Variants in TXNRD1 observed in about 807,000 individuals in gnomAD.
TXNRD1 encodes the protein thioredoxin reductase 1, cytoplasmic.
TXNRD1 carries 57 observed loss-of-function variants against 80.3 expected under a neutral mutation model. That is an observed-to-expected ratio of 0.71 (90% CI 0.57 to 0.89). The LOEUF (loss-of-function observed/expected upper bound fraction) is 0.89. TXNRD1 is among the 40% of genes least tolerant of loss of function. The pLI is 0.00. For synonymous variants in TXNRD1, 291 were observed against 285.2 expected (o/e 1.02, Z -0.20); for missense variants, 730 against 803.0 (o/e 0.91, Z 1.10).
At chr12:104,286,938 A>C in intron 3 of TXNRD1, 1 of 1,195,782 alleles carries the variant, frequency 8.4e-7, no homozygotes, top group Non-Finnish European at 1.0e-6. Context: ...CTGCTTTGTC[A>C]TTCTGACTCT....
At chr12:104,335,288 G>A (rs369720727) in intron 15 of TXNRD1, among the ~76,000 whole-genome samples, 60 of 145,914 alleles carry the variant, frequency 4.1e-4, no homozygotes, top group East Asian at 2.8e-3. Context: ...TGCAACCTTC[G>A]CCTCCCAGGT....
chr12:104,273,688 C>T (rs930578994), intron 3 of TXNRD1, among the ~76,000 whole-genome samples: 12 of 152,228 alleles, frequency 7.9e-5, no homozygotes, highest in South Asian at 2.1e-4. Context: ...AGTACCGCCC[C>T]GACCTGCGCG....
At chr12:104,264,359 T>C (rs542624428) in intron 3 of TXNRD1, among the ~76,000 whole-genome samples, 1 of 152,290 alleles carries the variant, frequency 6.6e-6, no homozygotes, top group Non-Finnish European at 1.5e-5. Flanking sequence ...AGAGCAAAAC[T>C]GGCAAGGCCT....
intron 1 of TXNRD1, among the ~76,000 whole-genome samples, chr12:104,218,644 G>A (rs942962575): frequency 6.6e-6 from 1 of 150,672 alleles, no homozygotes; most frequent in Non-Finnish European, 1.5e-5. Flanking sequence ...TTGAAATAGG[G>A]TCTTGCTCTG....
rs2033149079 is a variant in TXNRD1 at position 104,252,683 on chromosome 12, TATATA to T, written c.243+1006_243+1010del. On this transcript the variant is annotated intron_variant, in intron 2 of 16. Transcript: ENST00000525566. Reference sequence around the variant, plus strand: ...TTTTTTATATATATATATATATATATATATATATTTTTTTTTTTTTTTTTTTTTTT... The same window carrying T: ...TTTTTTATATATATATATATATATATTATTTTTTTTTTTTTTTTTTTTTTT... Among the ~76,000 whole-genome samples, 45 of 112,334 alleles carry T rather than the reference TATATA, an allele frequency of 4.0e-4. 1 individual carries two copies. The highest frequency in any genetic ancestry group is 7.1e-4 in the Non-Finnish European group (41 of 57,570). 73.7% of individuals were successfully genotyped at this position (112,334 alleles called of 152,430 possible).
intron 2 of TXNRD1, among the ~76,000 whole-genome samples, chr12:104,257,771 T>C (rs770773507): frequency 4.6e-5 from 7 of 152,156 alleles, no homozygotes; most frequent in Non-Finnish European, 1.0e-4. Context: ...ACTAAACATA[T>C]AAAATGTATC....
chr12:104,310,026 C>A, intron 4 of TXNRD1: 1 of 1,536,254 alleles, frequency 6.5e-7, no homozygotes, highest in Non-Finnish European at 8.7e-7. Flanking sequence ...CCTTCTTCTT[C>A]CGCTGACCCC....
chr12:104,254,644 A>AAAAAAAAT, intron 2 of TXNRD1, among the ~76,000 whole-genome samples: 2 of 93,636 alleles, frequency 2.1e-5, no homozygotes, highest in South Asian at 3.6e-4. Flanking sequence ...AAAAAAAAAA[A>AAAAAAAAT]ATATATATAT....
chr12:104,312,305 A>C (rs751095537), intron 5 of TXNRD1, among the ~76,000 whole-genome samples: 9 of 152,202 alleles, frequency 5.9e-5, no homozygotes, highest in Non-Finnish European at 1.0e-4. Context: ...GTTAGGAGTG[A>C]GGCTCCTGGT....
chr12:104,267,175 A>AC (rs1316506941), intron 3 of TXNRD1, among the ~76,000 whole-genome samples: 1 of 93,154 alleles, frequency 1.1e-5, no homozygotes, highest in African/African-American at 4.1e-5. Context: ...CAAAAAAAAA[A>AC]AAAAATAATA....
At chr12:104,343,059 C>G (rs974887349) in intron 16 of TXNRD1, among the ~76,000 whole-genome samples, 4 of 152,200 alleles carry the variant, frequency 2.6e-5, no homozygotes, top group African/African-American at 4.8e-5. Flanking sequence ...ATAGCAAGAG[C>G]AGACTCGAGG....
At chr12:104,267,951 A>G (rs28626346) in intron 3 of TXNRD1, among the ~76,000 whole-genome samples, 101,508 of 149,966 alleles carry the variant, frequency 0.68, 34,494 homozygotes, top group East Asian at 0.85. Flanking sequence ...CCGGGTTCAA[A>G]CAATTCTCCT....
At chr12:104,308,898 CTTTTTTT>C (rs11484262) in intron 4 of TXNRD1, among the ~76,000 whole-genome samples, 2 of 129,736 alleles carry the variant, frequency 1.5e-5, no homozygotes, top group Non-Finnish European at 3.2e-5. Flanking sequence ...AACAATGTTT[CTTTTTTT>C]TTTTTTTTTT....
chr12:104,313,877 T>C (rs926993264), intron 6 of TXNRD1, among the ~76,000 whole-genome samples: 1 of 152,166 alleles, frequency 6.6e-6, no homozygotes, highest in African/African-American at 2.4e-5. Context: ...GTAAGCGGTA[T>C]TGAAAAAATT....
chr12:104,252,892 C>T (rs532455292), intron 2 of TXNRD1, among the ~76,000 whole-genome samples: 3 of 150,994 alleles, frequency 2.0e-5, no homozygotes, highest in East Asian at 3.9e-4. Flanking sequence ...TTAGTACAGA[C>T]GGGTTTTCAC....
At chr12:104,261,291 G>C (rs1465458809) in intron 3 of TXNRD1, among the ~76,000 whole-genome samples, 1 of 152,034 alleles carries the variant, frequency 6.6e-6, no homozygotes, top group Non-Finnish European at 1.5e-5. Flanking sequence ...AGCCCCCAGA[G>C]TAGCTGGGAT....
chr12:104,236,664 C>T lies in TXNRD1; in HGVS notation c.92-14863C>T, dbSNP rs191638303. Among the ~76,000 whole-genome samples the T allele has an allele frequency of 1.3e-3, 195 of 151,976 alleles. 1 individual carries two copies. Among genetic ancestry groups the T allele is most frequent in the African/African-American group, 4.3e-3 (180 of 41,472 alleles). On this transcript the variant is annotated intron_variant, in intron 1 of 16. Transcript: ENST00000525566. The stretch of plus-strand genomic sequence containing the variant: ...ATTAGCCGGGTGTGGTGGTGCATGC[C>T]TGTAATCCCAGCTACTTGGGAGGCT...
At chr12:104,216,033 G>A (rs2032199399) in intron 1 of TXNRD1, 140 bp downstream of exon 1, 2 of 725,358 alleles carry the variant, frequency 2.8e-6, no homozygotes, top group South Asian at 2.0e-5. Context: ...CGCCACGCTG[G>A]AGACCCCAGA....
intron 13 of TXNRD1, among the ~76,000 whole-genome samples, chr12:104,329,815 C>T (rs1456021591): frequency 1.3e-5 from 2 of 152,134 alleles, no homozygotes; most frequent in African/African-American, 4.8e-5. Flanking sequence ...AACTTGAAAC[C>T]ACCTTGGCTT....
Sources: allele counts gnomAD v4.1 joint callset (sites outside exome capture counted in the v4.1 genomes callset), GRCh38; gene constraint gnomAD v4.1.1; transcripts MANE v1.5; gene names NCBI Gene and HGNC (gene_info 2026-07-23, HGNC 2026-07-21).